Variants in AKAP7 observed in about 807,000 individuals in gnomAD.
The protein encoded by AKAP7 is A kinase (PRKA) anchor protein 7.
AKAP7 carries 39 observed loss-of-function variants against 39.5 expected under a neutral mutation model. The ratio of observed to expected loss-of-function variants is 0.99; its 90% CI spans 0.76 to 1.29. AKAP7 has a LOEUF of 1.29. Among genes scored for constraint, AKAP7 ranks in the 50% most tolerant of loss-of-function variants. The probability of loss-of-function intolerance (pLI) is 0.00; values close to 1 mark genes in which losing one functional copy is unlikely to be tolerated. For missense variants in AKAP7, 414 were observed against 407.7 expected (o/e 1.02, Z -0.13); for synonymous variants, 140 against 139.1 (o/e 1.01, Z -0.05).
At position 131,160,171 on chromosome 6, in the gene AKAP7, C is replaced by T. The variant is rs1802815198; in HGVS notation, c.264C>T (p.Phe88=). Residue 88 remains phenylalanine, a synonymous_variant, in exon 3 of 8, where the codon TTC becomes TTT. Coordinates refer to ENST00000431975, the MANE Select transcript of AKAP7 (RefSeq NM_016377.4). The part of the protein sequence containing the change: ...KKRKDYQPNY[F]LSIPITNKEI... ...GAAAAGATTATCAACCCAACTATTT[C>T]CTGTCCATTCCAATCACCAACAAAG... The T allele has an allele frequency of 1.9e-6, 3 of 1,610,850 alleles. No homozygotes were observed. The highest frequency in any genetic ancestry group is 1.7e-5 in the Admixed American group (1 of 58,994).
intron 7 of AKAP7, among the ~76,000 whole-genome samples, chr6:131,262,741 G>A (rs2128327755): frequency 6.6e-6 from 1 of 152,210 alleles, no homozygotes; most frequent in South Asian, 2.1e-4. Flanking sequence ...TCTTTCAATA[G>A]TTTTGAACAT....
upstream of AKAP7, among the ~76,000 whole-genome samples, chr6:131,134,494 G>A (rs542226430): frequency 6.6e-6 from 1 of 151,968 alleles, no homozygotes; most frequent in Non-Finnish European, 1.5e-5. Context: ...TTTTATTTCC[G>A]CAGTTACTTA....
intron 6 of AKAP7, among the ~76,000 whole-genome samples, chr6:131,216,328 C>T (rs1473146215): frequency 6.6e-6 from 1 of 152,112 alleles, no homozygotes; most frequent in African/African-American, 2.4e-5. Context: ...CTCTTTGGTA[C>T]ATATTAAATT....
At chr6:131,279,103 T>A (rs1362911086) in intron 7 of AKAP7, among the ~76,000 whole-genome samples, 4 of 152,158 alleles carry the variant, frequency 2.6e-5, no homozygotes, top group Non-Finnish European at 5.9e-5. Flanking sequence ...ACCTGGCACA[T>A]TGAAGACGGG....
At chr6:131,208,754 T>G (rs993147939) in intron 6 of AKAP7, among the ~76,000 whole-genome samples, 2 of 152,222 alleles carry the variant, frequency 1.3e-5, no homozygotes, top group Admixed American at 1.3e-4. Flanking sequence ...AGATTCTTTT[T>G]TTCCCCCCAT....
At chr6:131,265,085 T>A (rs1194760959) in intron 7 of AKAP7, among the ~76,000 whole-genome samples, 1 of 152,214 alleles carries the variant, frequency 6.6e-6, no homozygotes, top group African/African-American at 2.4e-5. Flanking sequence ...ATAGCTCATT[T>A]TATTGATTGC....
intron 7 of AKAP7, among the ~76,000 whole-genome samples, chr6:131,222,399 C>A (rs1014237130): frequency 6.6e-6 from 1 of 151,836 alleles, no homozygotes; most frequent in Non-Finnish European, 1.5e-5. Flanking sequence ...TGGTGGCGGG[C>A]GCCTGTAGTC....
intron 7 of AKAP7, among the ~76,000 whole-genome samples, chr6:131,247,609 C>T (rs572684875): frequency 6.6e-6 from 1 of 151,448 alleles, no homozygotes; most frequent in South Asian, 2.1e-4. Flanking sequence ...CATGAGCCAC[C>T]GCGCCTGGCC....
Position 131,171,604 on chromosome 6 carries a change from G to A in AKAP7, c.589+2331G>A, listed in dbSNP as rs77786775. On this transcript the variant is annotated intron_variant, in intron 5 of 7. Coordinates refer to ENST00000431975, the MANE Select transcript of AKAP7 (RefSeq NM_016377.4). ...TGAAAGTTTAGAATGGCGACCAAGG[G>A]AAATGGAAGGGGAAAGTTTAATAAG... Among the ~76,000 whole-genome samples the A allele has an allele frequency of 1.1e-3, 175 of 152,274 alleles. 3 individuals carry two copies. In the East Asian group the frequency reaches 0.022, roughly 19 times the overall value.
At chr6:131,158,450 C>T (rs1802617460) in intron 2 of AKAP7, among the ~76,000 whole-genome samples, 1 of 152,136 alleles carries the variant, frequency 6.6e-6, no homozygotes, top group Non-Finnish European at 1.5e-5. Flanking sequence ...TTCAAAATAA[C>T]ACCTCAGAAA....
rs548652401 is a variant in AKAP7, at chr6:131,149,591, C to T, written c.151+4175C>T. 2.0e-4 allele frequency among the ~76,000 whole-genome samples: 31 copies of T among 152,300 alleles called. 1 individual carries two copies. Among genetic ancestry groups the T allele is most frequent in the Non-Finnish European group, 3.4e-4 (23 of 68,028 alleles). On this transcript the variant is annotated intron_variant, in intron 2 of 7. Transcript: ENST00000431975. The stretch of plus-strand genomic sequence containing the variant: ...CAGAGGTTGCAGTGAGCCGAGATTG[C>T]GCCACTGCACTCCAGCCTGGGCAAC...
chr6:131,224,774 C>A (rs571079503), intron 7 of AKAP7, among the ~76,000 whole-genome samples: 3 of 97,278 alleles, frequency 3.1e-5, no homozygotes, highest in African/African-American at 1.2e-4. Context: ...CAGAGTCTTG[C>A]TCTTTCACCC....
chr6:131,133,194 G>C (rs1800366097), upstream of AKAP7, among the ~76,000 whole-genome samples: 1 of 152,108 alleles, frequency 6.6e-6, no homozygotes, highest in African/African-American at 2.4e-5. Context: ...GGAGACTAAG[G>C]AATTGCGTAC....
intron 7 of AKAP7, among the ~76,000 whole-genome samples, chr6:131,274,368 A>G (rs1357505163): frequency 6.6e-6 from 1 of 151,756 alleles, no homozygotes; most frequent in Non-Finnish European, 1.5e-5. Context: ...GTCTTTCCTT[A>G]TCTTCCTTCC....
chr6:131,182,352 C>T (rs1381361525), intron 5 of AKAP7, among the ~76,000 whole-genome samples: 2 of 152,286 alleles, frequency 1.3e-5, no homozygotes, highest in African/African-American at 4.8e-5. Context: ...TACTTTCTGT[C>T]TCTATGAATT....
chr6:131,126,150 T>A, the AKAP7 span, among the ~76,000 whole-genome samples: 8 of 152,354 alleles, frequency 5.3e-5, no homozygotes, highest in African/African-American at 1.9e-4. Context: ...AGATCATTTA[T>A]AATAATTTAT....
At chr6:131,149,057 G>T (rs1261516118) in intron 2 of AKAP7, among the ~76,000 whole-genome samples, 2 of 152,184 alleles carry the variant, frequency 1.3e-5, no homozygotes, top group South Asian at 4.1e-4. Flanking sequence ...GGGAATCCTT[G>T]GCAGTAGGAA....
chr6:131,268,980 T>C (rs1814047407), intron 7 of AKAP7, among the ~76,000 whole-genome samples: 1 of 152,230 alleles, frequency 6.6e-6, no homozygotes, highest in Non-Finnish European at 1.5e-5. Flanking sequence ...TATTTCTTCT[T>C]TGTCATAAAA....
chr6:131,220,376 G>A (rs764445921), intron 7 of AKAP7, among the ~76,000 whole-genome samples: 4 of 152,194 alleles, frequency 2.6e-5, no homozygotes, highest in Non-Finnish European at 5.9e-5. Flanking sequence ...GGTGGAAAGT[G>A]TGTACACTTA....
Sources: allele counts gnomAD v4.1 joint callset (sites outside exome capture counted in the v4.1 genomes callset), GRCh38; gene constraint gnomAD v4.1.1; transcripts MANE v1.5; gene names NCBI Gene and HGNC (gene_info 2026-07-23, HGNC 2026-07-21).